The following TUSC3 variants were observed in gnomAD, a reference collection of about 807,000 sequenced individuals.
The protein encoded by TUSC3 is dolichyl-diphosphooligosaccharide--protein glycosyltransferase subunit TUSC3.
TUSC3 carries 45 observed loss-of-function variants against 44.8 expected under a neutral mutation model. The observed-to-expected ratio is 1.00, with a 90% CI of 0.79 to 1.29. TUSC3 has a LOEUF of 1.29. TUSC3 is among the 50% of genes most tolerant of loss of function. The probability of loss-of-function intolerance (pLI) is 0.00; values close to 1 mark genes in which losing one functional copy is unlikely to be tolerated. For missense variants in TUSC3, 519 were observed against 437.9 expected, an observed-to-expected ratio of 1.19 and a Z score of -1.65; for synonymous variants, 212 against 152.9, an observed-to-expected ratio of 1.39 and a Z score of -2.85.
At chr8:15,784,498 A>G in the TUSC3 span, among the ~76,000 whole-genome samples, 9 of 149,474 alleles carry the variant, frequency 6.0e-5, 1 homozygote, top group South Asian at 6.3e-4. Flanking sequence ...TGTTATGTGT[A>G]TGTGTGTGTG....
chr8:15,609,062 C>T (rs990233805), intron 1 of TUSC3, among the ~76,000 whole-genome samples: 2 of 152,058 alleles, frequency 1.3e-5, no homozygotes, highest in African/African-American at 4.8e-5. Flanking sequence ...CTGTTGGATT[C>T]TATTGAATTT....
At chr8:15,436,511 C>A (rs1452440789) in intron 1 of TUSC3, among the ~76,000 whole-genome samples, 2 of 152,150 alleles carry the variant, frequency 1.3e-5, no homozygotes, top group Non-Finnish European at 2.9e-5. Context: ...TGTACTTTTT[C>A]ATTTTATGCC....
At position 15,560,944 on chromosome 8, in the gene TUSC3, T is replaced by A. The variant is rs973600894; in HGVS notation, c.138+20376T>A. On this transcript the variant is annotated intron_variant, in intron 1 of 10. Transcript: ENST00000503731. Reference sequence around the variant, plus strand: ...AAGTTTTCAACTTCTTTGCCTTTGGTTTGAATGTCCTCCTGTAGCTGAGAG... The same window carrying A: ...AAGTTTTCAACTTCTTTGCCTTTGGATTGAATGTCCTCCTGTAGCTGAGAG... 5.2e-4 allele frequency among the ~76,000 whole-genome samples: 46 copies of A among 89,206 alleles called. 4 individuals are homozygous for A. Among genetic ancestry groups the A allele is most frequent in the African/African-American group, 1.8e-3 (45 of 25,314 alleles). 58.5% of individuals were successfully genotyped at this position (89,206 alleles called of 152,430 possible). A position where few individuals can be genotyped will look rare whatever the true frequency, so the allele number is the denominator to read the frequency against.
Position 15,641,377 on chromosome 8 carries a change from A to T in TUSC3, c.309-9320A>T, listed in dbSNP as rs189126564. The stretch of plus-strand genomic sequence containing the variant: ...ACTCCGTCTCAAAAAAAAAAAAAAA[A>T]AAGAAAAGTTGCATTGAGAAGAAGG... On this transcript the variant is annotated intron_variant, in intron 2 of 10. Transcript: ENST00000503731. Among the ~76,000 whole-genome samples the T allele has an allele frequency of 3.4e-3, 511 of 151,876 alleles. 3 individuals are homozygous for T. The highest frequency in any genetic ancestry group is 0.012 in the African/African-American group (488 of 41,468).
At chr8:15,640,788 C>T (rs1806330598) in intron 2 of TUSC3, among the ~76,000 whole-genome samples, 5 of 152,154 alleles carry the variant, frequency 3.3e-5, no homozygotes, top group Admixed American at 3.3e-4. Flanking sequence ...GGTGAACAAA[C>T]TGACCTGGCT....
At chr8:15,777,458 A>T in the TUSC3 span, among the ~76,000 whole-genome samples, 2 of 152,206 alleles carry the variant, frequency 1.3e-5, no homozygotes, top group Admixed American at 6.5e-5. Context: ...ATACATCCCC[A>T]TGTATGCTGC....
intron 2 of TUSC3, among the ~76,000 whole-genome samples, chr8:15,637,858 T>C (rs572798673): frequency 2.0e-5 from 3 of 152,222 alleles, no homozygotes; most frequent in East Asian, 1.9e-4. Context: ...CTCTCCTCCT[T>C]CTTGCAGTGG....
the TUSC3 span, among the ~76,000 whole-genome samples, chr8:15,816,395 A>C: frequency 1.3e-5 from 2 of 152,180 alleles, no homozygotes; most frequent in Non-Finnish European, 2.9e-5. Context: ...TCCTGAGAAC[A>C]AATTCCCAAT....
intron 1 of TUSC3, 138 bp from the exon 2 acceptor site, chr8:15,622,942 G>A: frequency 2.2e-6 from 2 of 910,906 alleles, no homozygotes; most frequent in Non-Finnish European, 3.3e-6. Flanking sequence ...TCTAGGAGCA[G>A]AAATATGGTC....
intron 1 of TUSC3, among the ~76,000 whole-genome samples, chr8:15,446,189 T>G (rs1304631133): frequency 6.8e-6 from 1 of 146,054 alleles, no homozygotes; most frequent in Admixed American, 6.8e-5. Context: ...GCAGAGGCGC[T>G]CCCCACATCT....
chr8:15,716,138 C>T (rs934577373), intron 6 of TUSC3, among the ~76,000 whole-genome samples: 5 of 152,080 alleles, frequency 3.3e-5, no homozygotes, highest in African/African-American at 1.2e-4. Context: ...CATCTGTAGT[C>T]CCAGTTACTC....
At chr8:15,678,248 T>C (rs1362442992) in intron 6 of TUSC3, among the ~76,000 whole-genome samples, 1 of 152,152 alleles carries the variant, frequency 6.6e-6, no homozygotes, top group Non-Finnish European at 1.5e-5. Context: ...ACTGGTGGAC[T>C]TTGTCTGTCA....
the TUSC3 span, among the ~76,000 whole-genome samples, chr8:15,846,129 CAT>C: frequency 6.6e-6 from 1 of 152,160 alleles, no homozygotes; most frequent in Non-Finnish European, 1.5e-5. Context: ...CCTCCCACAA[CAT>C]GTGGGAATTC....
chr8:15,447,089 A>G (rs1800115656), intron 1 of TUSC3, among the ~76,000 whole-genome samples: 2 of 152,080 alleles, frequency 1.3e-5, no homozygotes, highest in Non-Finnish European at 2.9e-5. Context: ...AGAAAAGATG[A>G]CAAGATGACA....
At chr8:15,494,564 G>A (rs547980534) in intron 2 of TUSC3, among the ~76,000 whole-genome samples, 5 of 152,176 alleles carry the variant, frequency 3.3e-5, no homozygotes, top group Admixed American at 2.0e-4. Flanking sequence ...TGATCTGCAC[G>A]CCTCAGCTTC....
the TUSC3 span, among the ~76,000 whole-genome samples, chr8:15,820,307 ATTC>A: frequency 7.7e-6 from 1 of 130,694 alleles, no homozygotes; most frequent in Non-Finnish European, 1.6e-5. Context: ...TTGATCTGTA[ATTC>A]TTTTTTTTTT....
At chr8:15,527,467 C>G (rs1489328073) in intron 2 of TUSC3, among the ~76,000 whole-genome samples, 2 of 152,102 alleles carry the variant, frequency 1.3e-5, no homozygotes, top group African/African-American at 2.4e-5. Context: ...TCCACCTGCC[C>G]CGGCCTCCCA....
chr8:15,440,286 T>C (rs916551083), intron 1 of TUSC3, among the ~76,000 whole-genome samples: 14 of 151,802 alleles, frequency 9.2e-5, no homozygotes, highest in African/African-American at 3.1e-4. Flanking sequence ...CCATTGGGAG[T>C]ATGACAGATC....
intron 2 of TUSC3, among the ~76,000 whole-genome samples, chr8:15,519,781 A>C (rs1432239427): frequency 3.3e-5 from 5 of 152,206 alleles, no homozygotes; most frequent in Non-Finnish European, 2.9e-5. Context: ...AATTGTAGAA[A>C]GGTCTATATT....
Sources: allele counts gnomAD v4.1 joint callset (sites outside exome capture counted in the v4.1 genomes callset), GRCh38; gene constraint gnomAD v4.1.1; transcripts MANE v1.5; gene names NCBI Gene and HGNC (gene_info 2026-07-23, HGNC 2026-07-21).